NRG1: variants seen among roughly 807,000 people sequenced by gnomAD.
NRG1 encodes neuregulin 1.
A neutral mutation model predicts 63.8 loss-of-function variants in NRG1; 18 were observed. The ratio of observed to expected loss-of-function variants is 0.28; its 90% confidence interval spans 0.19 to 0.42. NRG1 has a LOEUF of 0.42. Ranked by LOEUF, NRG1 falls within the 10% of genes least tolerant of loss-of-function variation. The pLI, the probability that NRG1 is intolerant of heterozygous loss-of-function variation, is 1.00. For synonymous variants in NRG1, 302 were observed against 301.3 expected (o/e 1.00, Z -0.02); for missense variants, 762 against 814.7 (o/e 0.94, Z 0.79).
chr8:32,387,018 G>A (rs887544014), intron 1 of NRG1, among the ~76,000 whole-genome samples: 5 of 152,174 alleles, frequency 3.3e-5, no homozygotes, highest in Admixed American at 3.3e-4. Flanking sequence ...CAGGAATATG[G>A]CCTGAACAGT....
In NRG1 at chr8:31,671,643, T is replaced by C. The variant is rs149621246; in HGVS notation, c.37+32212T>C. On this transcript the variant is annotated intron_variant, in intron 1 of 10. Coordinates refer to the NRG1 transcript ENST00000519301. ...TTTTAGCCAGTAGATTTATAATTAA[T>C]GACTTTTGTTGATTTAAGAAGCTTT... 2.4e-3 allele frequency among the ~76,000 whole-genome samples: 370 copies of C among 152,316 alleles called. 4 individuals are homozygous for C. The highest frequency in any genetic ancestry group is 8.3e-3 in the African/African-American group (346 of 41,582).
intron 1 of NRG1, among the ~76,000 whole-genome samples, chr8:32,409,526 T>G (rs530046687): frequency 1.4e-4 from 22 of 152,308 alleles, no homozygotes; most frequent in African/African-American, 5.1e-4. Flanking sequence ...AGGGCTGATA[T>G]CTAGATATCT....
intron 1 of NRG1, among the ~76,000 whole-genome samples, chr8:31,998,751 A>G (rs1586369304): frequency 6.6e-6 from 1 of 152,016 alleles, no homozygotes; most frequent in Non-Finnish European, 1.5e-5. Flanking sequence ...CTTGGATGCC[A>G]ATTAGGCACC....
intron 1 of NRG1, among the ~76,000 whole-genome samples, chr8:31,768,648 T>A (rs1273271575): frequency 2.0e-5 from 3 of 152,222 alleles, no homozygotes; most frequent in Non-Finnish European, 4.4e-5. Context: ...ATGTTATGAT[T>A]TCTGGTGGAA....
intron 1 of NRG1, among the ~76,000 whole-genome samples, chr8:31,855,099 G>T (rs931995494): frequency 2.4e-4 from 37 of 152,140 alleles, no homozygotes; most frequent in Non-Finnish European, 4.9e-4. Context: ...TTGATTTGGG[G>T]TGGAGAGTTC....
chr8:32,645,905 A>G (rs1317546406), intron 5 of NRG1, among the ~76,000 whole-genome samples: 3 of 152,344 alleles, frequency 2.0e-5, no homozygotes, highest in East Asian at 1.9e-4. Flanking sequence ...AAAAACAGTC[A>G]GCATTGAAAC....
chr8:32,337,382 T>A (rs1229091972), intron 1 of NRG1, among the ~76,000 whole-genome samples: 1 of 152,000 alleles, frequency 6.6e-6, no homozygotes, highest in Non-Finnish European at 1.5e-5. Context: ...TGTGAGTCTG[T>A]GGCAGTGTCT....
rs190792290 is a variant in NRG1, at chr8:32,439,874, A to T, written c.38-155954A>T. ...CAGCCTTGATCTTCTGGGCTCAAGC[A>T]ATCCTCATCCTCCCACCTCAACCCC... On this transcript the variant is annotated intron_variant, in intron 1 of 10. Coordinates refer to the NRG1 transcript ENST00000519301. Among the ~76,000 whole-genome samples the T allele has an allele frequency of 7.8e-3, 1,174 of 151,040 alleles. 11 individuals carry two copies. The highest frequency in any genetic ancestry group is 0.026 in the African/African-American group (1,050 of 41,156).
intron 1 of NRG1, among the ~76,000 whole-genome samples, chr8:31,690,655 A>G (rs943136920): frequency 2.6e-5 from 4 of 152,156 alleles, no homozygotes; most frequent in Admixed American, 6.5e-5. Context: ...TGGATGCGCT[A>G]TACTTGGAAG....
At chr8:32,082,861 A>G (rs143703992) in intron 1 of NRG1, among the ~76,000 whole-genome samples, 1 of 152,278 alleles carries the variant, frequency 6.6e-6, no homozygotes, top group African/African-American at 2.4e-5. Flanking sequence ...ATGCAAGTAT[A>G]TTTCAGTTTT....
At chr8:32,135,243 T>C (rs1286988894) in intron 1 of NRG1, among the ~76,000 whole-genome samples, 3 of 152,168 alleles carry the variant, frequency 2.0e-5, no homozygotes, top group Non-Finnish European at 4.4e-5. Flanking sequence ...GCAGAATACA[T>C]TGGAGAAGAC....
intron 1 of NRG1, among the ~76,000 whole-genome samples, chr8:32,291,914 C>T (rs1854249057): frequency 2.6e-5 from 4 of 152,148 alleles, no homozygotes; most frequent in Admixed American, 1.3e-4. Flanking sequence ...TTCATTGTTG[C>T]TAAAGGCTTG....
chr8:32,721,417 A>G lies in NRG1; in HGVS notation c.503-6532A>G, dbSNP rs537259993. ...AGTCTACAAACCTCTAAGTGCTCCC[A>G]GCGTATTAGCTAAGTCCTGAGCTCC... is the stretch of plus-strand genomic sequence containing the variant. On this transcript the variant is annotated intron_variant, in intron 5 of 11. Coordinates refer to ENST00000356819, the Ensembl canonical transcript of NRG1. Among the ~76,000 whole-genome samples the G allele has an allele frequency of 3.9e-5, 6 of 152,278 alleles. No individual in the cohort carries two copies. The South Asian group carries it at 1.2e-3, about 32-fold the overall frequency.
intron 1 of NRG1, among the ~76,000 whole-genome samples, chr8:31,910,909 C>A (rs1209359746): frequency 6.6e-6 from 1 of 152,110 alleles, no homozygotes; most frequent in African/African-American, 2.4e-5. Context: ...GAAGTCAATA[C>A]AAAGAAGGCA....
intron 1 of NRG1, among the ~76,000 whole-genome samples, chr8:31,830,812 T>C (rs1825075946): frequency 6.6e-6 from 1 of 152,104 alleles, no homozygotes; most frequent in Non-Finnish European, 1.5e-5. Context: ...AGCTTCAATG[T>C]GATTAGGTCA....
intron 1 of NRG1, among the ~76,000 whole-genome samples, chr8:32,236,585 C>CAA: frequency 6.6e-6 from 1 of 152,250 alleles, no homozygotes; most frequent in East Asian, 1.9e-4. Context: ...ATTAGATCAT[C>CAA]AGTTCACTTT....
At chr8:32,243,971 G>A (rs1314583519) in intron 1 of NRG1, among the ~76,000 whole-genome samples, 4 of 152,086 alleles carry the variant, frequency 2.6e-5, no homozygotes, top group African/African-American at 4.8e-5. Context: ...GGAAATCGAC[G>A]TTCATTGTTT....
rs117621806 is a variant in NRG1 at position 32,426,632 on chromosome 8, T to C, written c.38-169196T>C. 5.9e-3 allele frequency among the ~76,000 whole-genome samples: 901 copies of C among 152,234 alleles called. 32 individuals carry two copies. The highest frequency in any genetic ancestry group is 0.048 in the Admixed American group (733 of 15,278). On this transcript the variant is annotated intron_variant, in intron 1 of 10. Coordinates refer to the NRG1 transcript ENST00000519301. ...GAAAATGTAGACACAGGCCCTTCTCTCCCAGTCTCAACACCACACCCTACA... is the reference window on the plus strand; with the variant it reads ...GAAAATGTAGACACAGGCCCTTCTCCCCCAGTCTCAACACCACACCCTACA...
intron 1 of NRG1, among the ~76,000 whole-genome samples, chr8:32,240,544 AAC>A (rs532299263): frequency 1.1e-3 from 171 of 152,226 alleles, no homozygotes; most frequent in African/African-American, 2.7e-3. Flanking sequence ...TACACACACA[AAC>A]ACACACATAC....
Sources: allele counts gnomAD v4.1 joint callset (sites outside exome capture counted in the v4.1 genomes callset), GRCh38; gene constraint gnomAD v4.1.1; transcripts MANE v1.5; gene names NCBI Gene and HGNC (gene_info 2026-07-23, HGNC 2026-07-21).